Variants in ZNF839 observed in about 807,000 individuals in gnomAD.
The protein encoded by ZNF839 is renal carcinoma antigen NY-REN-50.
ZNF839 carries 38 observed loss-of-function variants against 56.4 expected under a neutral mutation model. The observed-to-expected ratio is 0.67, with a 90% confidence interval of 0.52 to 0.88. ZNF839 has a LOEUF of 0.88. Ranked by LOEUF, ZNF839 falls within the 40% of genes least tolerant of loss-of-function variation. The pLI, the probability that ZNF839 is intolerant of heterozygous loss-of-function variation, is 0.00. For missense variants in ZNF839, 1,091 were observed against 1,177.6 expected, an observed-to-expected ratio of 0.93 and a Z score of 1.08; for synonymous variants, 486 against 493.5, an observed-to-expected ratio of 0.98 and a Z score of 0.20.
chr14:102,322,123 T>C (rs1199473833), intron 1 of ZNF839, among the ~76,000 whole-genome samples: 3 of 152,178 alleles, frequency 2.0e-5, no homozygotes, highest in African/African-American at 7.2e-5. Context: ...CCCTCAGAGA[T>C]CACAGCTTCT....
chr14:102,329,803 T>C (rs941539273), intron 2 of ZNF839, among the ~76,000 whole-genome samples: 3 of 147,964 alleles, frequency 2.0e-5, no homozygotes, highest in Admixed American at 6.8e-5. Flanking sequence ...TTTTTTTTTT[T>C]TTTTTTTTGA....
intron 1 of ZNF839, among the ~76,000 whole-genome samples, chr14:102,325,220 G>A (rs970308776): frequency 2.6e-5 from 4 of 151,618 alleles, no homozygotes; most frequent in African/African-American, 7.3e-5. Context: ...GCTGGGTGTG[G>A]TGGCAGCTAC....
Position 102,335,690 on chromosome 14 carries a change from T to A in ZNF839, c.1511T>A (p.Val504Asp). ...VTVYEFLLMKVEKDHLAKPFF... is the reference protein window; with the variant it reads ...VTVYEFLLMKDEKDHLAKPFF... ...TTTTTGGTCTTTATCTTCACGAAGG[T>A]TGAAAAAGATCATCTAGCAAAGCCT... is the stretch of plus-strand genomic sequence containing the variant. Residue 504 changes from valine (V) to aspartate (D), a missense_variant and splice_region_variant, in exon 5 of 8, where the codon GTT becomes GAT. By Grantham distance (152) the Val-to-Asp change is radical. Coordinates refer to ENST00000442396, the MANE Select transcript of ZNF839 (RefSeq NM_018335.6). 1 of 1,592,486 alleles carries A rather than the reference T, an allele frequency of 6.3e-7. No homozygotes were observed. The highest frequency in any genetic ancestry group is 8.5e-7 in the Non-Finnish European group (1 of 1,177,218).
chr14:102,330,280 T>C (rs1410784295), intron 2 of ZNF839, among the ~76,000 whole-genome samples: 1 of 152,028 alleles, frequency 6.6e-6, no homozygotes, highest in African/African-American at 2.4e-5. Flanking sequence ...TTGCCCAGTC[T>C]GGAGTGCAAT....
chr14:102,319,916 G>A lies in ZNF839; in HGVS notation c.151G>A (p.Ala51Thr), dbSNP rs1051871802. The change falls in exon 1 of 8, where the codon GCG (alanine) becomes ACG (threonine). Residue 51 changes from alanine to threonine, a missense_variant. Ala to Thr is a moderately conservative substitution (Grantham distance 58). This residue lies in a region of ZNF839 where 614 missense variants were observed against 629.2 expected (regional missense o/e 0.98). Transcript: ENST00000442396. The surrounding 1 kb of genome is among the most constrained non-coding windows in gnomAD (Gnocchi z 4.5). ...GCAGGTCCTGGAGCAGGTGACGAAGGCGCAGCCGCCGCCGCCGCCGCCCCC... is the reference window on the plus strand; with the variant it reads ...GCAGGTCCTGGAGCAGGTGACGAAGACGCAGCCGCCGCCGCCGCCGCCCCC... ...LRQVLEQVTK[A>T]QPPPPPPPFV... is the part of the protein sequence containing the mutation. 4.9e-6 allele frequency: 6 copies of A among 1,216,096 alleles called. No individual in the cohort carries two copies. In the African/African-American group the frequency reaches 8.1e-5, roughly 16 times the overall value. The allele number at this position is 1,216,096 out of a possible 1,614,324, so 75.3% of individuals were successfully genotyped here.
Position 102,320,014 on chromosome 14 carries a change from C to A in ZNF839, c.249C>A (p.Gly83=). 8.5e-7 allele frequency: 1 copy of A among 1,181,572 alleles called. No homozygotes were observed. Among genetic ancestry groups the A allele is most frequent in the South Asian group, 4.3e-5 (1 of 23,374 alleles). 73.2% of individuals were successfully genotyped at this position (1,181,572 alleles called of 1,614,324 possible). The change falls in exon 1 of 8, where the codon GGC becomes GGA. Residue 83 remains glycine, a synonymous_variant. Transcript: ENST00000442396. ...AQQAALQRGR[G]TEPPRLPRLL... is the part of the protein sequence containing the mutation. ...AGGCCGCCCTGCAGCGGGGCCGGGG[C>A]ACCGAGCCCCCGCGCCTGCCGCGCC...
chr14:102,338,135 C>G (rs1886046282), intron 5 of ZNF839, among the ~76,000 whole-genome samples: 1 of 152,154 alleles, frequency 6.6e-6, no homozygotes, highest in Non-Finnish European at 1.5e-5. Flanking sequence ...CTCAAGAGAC[C>G]AGTGAGAAGT....
Position 102,326,729 on chromosome 14 carries a change from A to G in ZNF839, c.1033A>G (p.Met345Val), listed in dbSNP as rs2073430547. The G allele has an allele frequency of 6.2e-7, 1 of 1,613,150 alleles. No individual in the cohort carries two copies. The highest frequency in any genetic ancestry group is 8.5e-7 in the Non-Finnish European group (1 of 1,179,654). Residue 345 changes from methionine to valine, a missense_variant, in exon 2 of 8, where the codon ATG becomes GTG. Around this residue, in one of 3 missense-constraint regions of ZNF839, gnomAD observed 614 missense variants for 629.2 expected, o/e 0.98. Transcript: ENST00000442396. The surrounding 1 kb of genome is among the most constrained non-coding windows in gnomAD (Gnocchi z 4.3). ...AGGCCACGGCCAGTTGGACCCCGAGATGGTGCTGTCTGAGAAAGCCAGTGG... is the reference window on the plus strand; with the variant it reads ...AGGCCACGGCCAGTTGGACCCCGAGGTGGTGCTGTCTGAGAAAGCCAGTGG... ...NPGHGQLDPE[M>V]VLSEKASGST...
upstream of ZNF839, chr14:102,319,614 G>A (rs1032520991): frequency 7.1e-6 from 8 of 1,118,934 alleles, no homozygotes; most frequent in South Asian, 4.6e-5. The surrounding 1 kb of genome is among the most constrained non-coding windows in gnomAD (Gnocchi z 4.5). Context: ...GTCGGCTGGG[G>A]CGGGGCACTC....
Position 102,319,756 on chromosome 14 carries a change from C to A in ZNF839, c.-10C>A. ...CAGCGACCCGGGTTCGAGTCCCCGC[C>A]TCGGCCGCCATGGCGGATGCGGAGC... On this transcript the variant is annotated 5_prime_UTR_variant, in exon 1 of 8. Transcript: ENST00000442396. This position sits in a 1 kb window ranked among gnomAD's most constrained non-coding sequence, Gnocchi z 4.5. The A allele has an allele frequency of 2.4e-6, 3 of 1,229,516 alleles. No homozygotes were observed. The highest frequency in any genetic ancestry group is 8.1e-5 in the South Asian group (2 of 24,658). The allele number at this position is 1,229,516 out of a possible 1,614,324, so 76.2% of individuals were successfully genotyped here. A position where few individuals can be genotyped will look rare whatever the true frequency, so the allele number is the denominator to read the frequency against.
chr14:102,340,337 T>C (rs536179212), intron 7 of ZNF839, among the ~76,000 whole-genome samples: 36 of 150,662 alleles, frequency 2.4e-4, no homozygotes, highest in African/African-American at 8.3e-4. Context: ...AATGGCATGA[T>C]CTCTGCTCAC....
intron 7 of ZNF839, among the ~76,000 whole-genome samples, chr14:102,340,097 C>G (rs1345370198): frequency 6.7e-6 from 1 of 149,346 alleles, no homozygotes; most frequent in East Asian, 2.0e-4. Context: ...CTCAGCCTCC[C>G]CAGTAGCTGG....
intron 1 of ZNF839, among the ~76,000 whole-genome samples, chr14:102,322,478 T>G (rs956079287): frequency 5.3e-5 from 8 of 152,216 alleles, no homozygotes; most frequent in African/African-American, 1.9e-4. Flanking sequence ...GGTAAGCCAG[T>G]GAGGATAGAG....
intron 3 of ZNF839, among the ~76,000 whole-genome samples, chr14:102,333,316 T>A (rs2073874135): frequency 6.7e-6 from 1 of 149,440 alleles, no homozygotes. Flanking sequence ...AGGAGCGTAG[T>A]GGCTCAATCA....
chr14:102,336,034 C>G (rs529795868), intron 5 of ZNF839, among the ~76,000 whole-genome samples, 196 bp downstream of exon 5: 1 of 152,250 alleles, frequency 6.6e-6, no homozygotes, highest in East Asian at 1.9e-4. Flanking sequence ...CAAAAATTAG[C>G]TGGGCGTGGT....
rs1567288692 is a variant in ZNF839, at chr14:102,328,378, AT to A, written c.1191+1492del. Among the ~76,000 whole-genome samples, 300 of 45,144 alleles carry A rather than the reference AT, an allele frequency of 6.6e-3. 1 individual carries two copies. The highest frequency in any genetic ancestry group is 9.1e-3 in the African/African-American group (70 of 7,730). 29.6% of individuals were successfully genotyped at this position (45,144 alleles called of 152,430 possible). On this transcript the variant is annotated intron_variant, in intron 2 of 7. Transcript: ENST00000442396. ...TCAAAAAAAAAAAAAAAAAAAAAAT[AT>A]ATATATATATATATATATATATATA... is the stretch of plus-strand genomic sequence containing the variant.
chr14:102,323,962 G>A (rs1289944959), intron 1 of ZNF839, among the ~76,000 whole-genome samples: 1 of 152,186 alleles, frequency 6.6e-6, no homozygotes, highest in Non-Finnish European at 1.5e-5. Flanking sequence ...TCAAGTTGCA[G>A]GAGATGATAT....
Position 102,320,071 on chromosome 14 carries a change from A to C in ZNF839, c.288+18A>C. ...CGCCCCAGGTGAGGCGTCGGGAGGG[A>C]CGTGGGGAAACTGAGGCCCGAAGGG... On this transcript the variant is annotated intron_variant, in intron 1 of 7. Coordinates refer to ENST00000442396, the MANE Select transcript of ZNF839 (RefSeq NM_018335.6). 1 of 1,171,594 alleles carries C rather than the reference A, an allele frequency of 8.5e-7. No individual in the cohort carries two copies. The highest frequency in any genetic ancestry group is 1.1e-6 in the Non-Finnish European group (1 of 950,022). 72.6% of individuals were successfully genotyped at this position (1,171,594 alleles called of 1,614,324 possible).
At chr14:102,336,507 C>T in intron 5 of ZNF839, 1 of 299,118 alleles carries the variant, frequency 3.3e-6, no homozygotes, top group South Asian at 2.8e-5. Flanking sequence ...GTTGCCCAGG[C>T]TGGTCTCGAA....
Sources: allele counts gnomAD v4.1 joint callset (sites outside exome capture counted in the v4.1 genomes callset), GRCh38; gene constraint gnomAD v4.1.1; regional missense constraint gnomAD v4.1.1; non-coding constraint Gnocchi (gnomAD v3.1); transcripts MANE v1.5; gene names NCBI Gene and HGNC (gene_info 2026-07-23, HGNC 2026-07-21).